Variants in DOCK3 observed in about 807,000 individuals in gnomAD.
DOCK3 encodes dedicator of cytokinesis protein 3.
DOCK3 carries 60 observed loss-of-function variants against 265.6 expected under a neutral mutation model. That is an observed-to-expected ratio of 0.23 (90% confidence interval 0.18 to 0.28). The LOEUF is 0.28. Ranked by LOEUF, DOCK3 falls within the 10% of genes least tolerant of loss-of-function variation. The pLI is 1.00. For synonymous variants in DOCK3, 881 were observed against 938.0 expected, an observed-to-expected ratio of 0.94 and a Z score of 1.11; for missense variants, 1,981 against 2,594.3, an observed-to-expected ratio of 0.76 and a Z score of 5.14.
chr3:50,760,413 A>G (rs1559603716), intron 1 of DOCK3, among the ~76,000 whole-genome samples: 1 of 152,190 alleles, frequency 6.6e-6, no homozygotes, highest in Non-Finnish European at 1.5e-5. Flanking sequence ...CTATGGTGCA[A>G]AAGTGATGTG....
Position 51,160,595 on chromosome 3 carries a change from C to T in DOCK3, c.930C>T (p.His310=). The T allele has an allele frequency of 6.2e-7, 1 of 1,612,914 alleles. No individual in the cohort carries two copies. The highest frequency in any genetic ancestry group is 8.5e-7 in the Non-Finnish European group (1 of 1,179,408). ...ACGACTCAAAGAAAGGTCCTCCTCA[C>T]CTGCACTACAGGCGACCATATGGCT... is the stretch of plus-strand genomic sequence containing the variant. The part of the protein sequence containing the change: ...LLNDSKKGPP[H]LHYRRPYGCA... The change falls in exon 12 of 53, where the codon CAC becomes CAT. Residue 310 remains histidine (H), a synonymous_variant. Coordinates refer to ENST00000266037, the MANE Select transcript of DOCK3 (RefSeq NM_004947.5).
chr3:51,268,044 G>C (rs530578262), intron 23 of DOCK3, among the ~76,000 whole-genome samples: 2 of 152,286 alleles, frequency 1.3e-5, no homozygotes, highest in South Asian at 2.1e-4. Flanking sequence ...TAATGTAGAT[G>C]ATGGGTTGAT....
intron 5 of DOCK3, among the ~76,000 whole-genome samples, chr3:50,958,154 G>A (rs2076780116): frequency 6.6e-6 from 1 of 152,104 alleles, no homozygotes; most frequent in Non-Finnish European, 1.5e-5. Context: ...GATTTAGTTT[G>A]TTTCTTCCTC....
At chr3:51,372,443 C>A (rs1245044638) in intron 49 of DOCK3, among the ~76,000 whole-genome samples, 1 of 152,212 alleles carries the variant, frequency 6.6e-6, no homozygotes, top group Non-Finnish European at 1.5e-5. Flanking sequence ...AGAGAGACCA[C>A]CATAACATGA....
At chr3:50,685,963 T>C (rs1312399847) in intron 1 of DOCK3, among the ~76,000 whole-genome samples, 1 of 152,184 alleles carries the variant, frequency 6.6e-6, no homozygotes, top group Non-Finnish European at 1.5e-5. Flanking sequence ...GTCTCTAAGC[T>C]TTTCGACACC....
chr3:51,155,242 G>A (rs2085793515), intron 10 of DOCK3, among the ~76,000 whole-genome samples: 1 of 151,874 alleles, frequency 6.6e-6, no homozygotes, highest in African/African-American at 2.4e-5. Context: ...CAAAGTGCTG[G>A]GATTACAGGT....
intron 32 of DOCK3, among the ~76,000 whole-genome samples, chr3:51,329,888 T>C (rs2084404065): frequency 6.6e-6 from 1 of 152,194 alleles, no homozygotes; most frequent in Admixed American, 6.5e-5. Context: ...TGCCCTTAGA[T>C]TGGAAAGAGT....
chr3:51,193,319 A>C (rs1220115502), intron 12 of DOCK3, among the ~76,000 whole-genome samples: 2 of 152,146 alleles, frequency 1.3e-5, no homozygotes, highest in African/African-American at 4.8e-5. Context: ...TGTGTTTGCT[A>C]GTATTTTGTT....
intron 27 of DOCK3, among the ~76,000 whole-genome samples, chr3:51,292,984 A>G (rs1003713216): frequency 6.6e-6 from 1 of 152,216 alleles, no homozygotes; most frequent in Non-Finnish European, 1.5e-5. Flanking sequence ...GATTATGCAA[A>G]TAAATGGACA....
Position 50,810,529 on chromosome 3 carries a change from C to T in DOCK3, c.122-31146C>T, listed in dbSNP as rs540681238. On this transcript the variant is annotated intron_variant, in intron 2 of 52. Coordinates refer to ENST00000266037, the MANE Select transcript of DOCK3 (RefSeq NM_004947.5). ...CTGCACTCCAGCCTGGGCAACAGAGCGACACTCCGTCTGAAAAAAATTTTT... is the reference window on the plus strand; with the variant it reads ...CTGCACTCCAGCCTGGGCAACAGAGTGACACTCCGTCTGAAAAAAATTTTT... 3.9e-5 allele frequency among the ~76,000 whole-genome samples: 6 copies of T among 151,968 alleles called. No homozygotes were observed. The East Asian group carries it at 5.8e-4, about 15-fold the overall frequency.
intron 3 of DOCK3, among the ~76,000 whole-genome samples, chr3:50,848,124 CTTTTTTG>C (rs2046180736): frequency 6.6e-6 from 1 of 151,872 alleles, no homozygotes; most frequent in South Asian, 2.1e-4. Flanking sequence ...AACCCCTGAT[CTTTTTTG>C]TTTTTTATTT....
At chr3:50,719,561 A>G (rs2108003546) in intron 1 of DOCK3, 1 of 1,353,096 alleles carries the variant, frequency 7.4e-7, no homozygotes, top group Non-Finnish European at 1.0e-6. Context: ...CATGGCCTGC[A>G]TAATATTAAT....
intron 3 of DOCK3, among the ~76,000 whole-genome samples, chr3:50,864,420 T>C (rs1367777763): frequency 6.6e-6 from 1 of 152,206 alleles, no homozygotes; most frequent in Non-Finnish European, 1.5e-5. Flanking sequence ...TTATTGATTG[T>C]TTGCTTTGAA....
At position 51,033,159 on chromosome 3, in the gene DOCK3, C is replaced by T. The variant is rs1029130872; in HGVS notation, c.316-31289C>T. On this transcript the variant is annotated intron_variant, in intron 5 of 52. Transcript: ENST00000266037. ...GGTGGTGCTTGATTTCCCATTAAAA[C>T]TTTCACAGAATTGCCCTTATTTGAT... Among the ~76,000 whole-genome samples the T allele has an allele frequency of 1.3e-4, 20 of 152,142 alleles. No individual in the cohort carries two copies. The East Asian group carries it at 3.5e-3, about 26-fold the overall frequency.
At chr3:50,694,277 A>T (rs937878764) in intron 1 of DOCK3, among the ~76,000 whole-genome samples, 1 of 151,624 alleles carries the variant, frequency 6.6e-6, no homozygotes, top group Non-Finnish European at 1.5e-5. Flanking sequence ...CTCCAAAAAA[A>T]CTAAAAAAAA....
At position 51,098,076 on chromosome 3, in the gene DOCK3, G is replaced by C. The variant is rs184859307; in HGVS notation, c.746+7692G>C. On this transcript the variant is annotated intron_variant, in intron 9 of 52. Coordinates refer to ENST00000266037, the MANE Select transcript of DOCK3 (RefSeq NM_004947.5). Reference sequence around the variant, plus strand: ...CTATTTGACCATCTTGCCAGCCACCGATCGGAGTTTTGCTCTTTTGCCCAG... The same window carrying C: ...CTATTTGACCATCTTGCCAGCCACCCATCGGAGTTTTGCTCTTTTGCCCAG... Among the ~76,000 whole-genome samples the C allele has an allele frequency of 1.4e-3, 220 of 151,774 alleles. 2 individuals carry two copies. The highest frequency in any genetic ancestry group is 8.0e-3 in the East Asian group (41 of 5,146).
chr3:51,144,125 T>C (rs1310972931), intron 9 of DOCK3, among the ~76,000 whole-genome samples: 1 of 152,246 alleles, frequency 6.6e-6, no homozygotes, highest in Non-Finnish European at 1.5e-5. Flanking sequence ...TTGATACCTT[T>C]ATTTGAAATT....
Position 50,875,158 on chromosome 3 carries a change from A to G in DOCK3, c.163-14868A>G, listed in dbSNP as rs564312564. Among the ~76,000 whole-genome samples, 33 of 152,292 alleles carry G rather than the reference A, an allele frequency of 2.2e-4. No individual in the cohort carries two copies. In the South Asian group the frequency reaches 6.8e-3, roughly 32 times the overall value. ...TGCAGCAAACCACCATGGCACATGT[A>G]TGCCTATGTAACAAACCTGCACGTT... On this transcript the variant is annotated intron_variant, in intron 3 of 52. Transcript: ENST00000266037.
chr3:50,736,974 G>A (rs1217818709), intron 1 of DOCK3, among the ~76,000 whole-genome samples: 1 of 152,144 alleles, frequency 6.6e-6, no homozygotes. Flanking sequence ...TTACAGGTGT[G>A]AGCCACTGTG....
Sources: allele counts gnomAD v4.1 joint callset (sites outside exome capture counted in the v4.1 genomes callset), GRCh38; gene constraint gnomAD v4.1.1; transcripts MANE v1.5; gene names NCBI Gene and HGNC (gene_info 2026-07-23, HGNC 2026-07-21).